The following ARHGAP26 variants were observed in gnomAD, a reference collection of about 807,000 sequenced individuals.
The protein encoded by ARHGAP26 is rho GTPase-activating protein 26.
ARHGAP26 carries 38 observed loss-of-function variants against 104.8 expected under a neutral mutation model. The ratio of observed to expected loss-of-function variants is 0.36; its 90% CI spans 0.28 to 0.48. The LOEUF (loss-of-function observed/expected upper bound fraction) is 0.48. ARHGAP26 is among the 20% of genes least tolerant of loss of function. The pLI is 0.99. For missense variants in ARHGAP26, 704 were observed against 947.9 expected, an observed-to-expected ratio of 0.74 and a Z score of 3.38; for synonymous variants, 341 against 340.0, an observed-to-expected ratio of 1.00 and a Z score of -0.03.
rs137889056 is a variant in ARHGAP26, at chr5:142,852,357, C to T, written c.155-21043C>T. 7.9e-3 allele frequency among the ~76,000 whole-genome samples: 1,206 copies of T among 152,326 alleles called. 9 individuals are homozygous for T. The highest frequency in any genetic ancestry group is 0.014 in the Middle Eastern group (4 of 294). On this transcript the variant is annotated intron_variant, in intron 1 of 22. Transcript: ENST00000645722. ...CTGGGGACATGGAATTGGCCCTCCTCACAGGCATTGCTGAGTTCTTTACTA... is the reference window on the plus strand; with the variant it reads ...CTGGGGACATGGAATTGGCCCTCCTTACAGGCATTGCTGAGTTCTTTACTA...
chr5:142,781,363 A>G (rs1757459348), intron 1 of ARHGAP26, among the ~76,000 whole-genome samples: 1 of 128,024 alleles, frequency 7.8e-6, no homozygotes, highest in Non-Finnish European at 1.5e-5. Flanking sequence ...GATATGGTTA[A>G]CTTTTTTTTT....
chr5:142,824,131 T>TG (rs2152087011), intron 1 of ARHGAP26, among the ~76,000 whole-genome samples: 1 of 152,196 alleles, frequency 6.6e-6, no homozygotes, highest in Admixed American at 6.5e-5. Context: ...TTCAGTATGT[T>TG]GTGTGTATGT....
intron 5 of ARHGAP26, among the ~76,000 whole-genome samples, chr5:142,892,784 ATCAG>A (rs1427727900): frequency 6.6e-6 from 1 of 152,172 alleles, no homozygotes; most frequent in Non-Finnish European, 1.5e-5. Context: ...TATTTAGGGT[ATCAG>A]TCACCTCGAA....
At chr5:142,835,789 C>T (rs970684825) in intron 1 of ARHGAP26, among the ~76,000 whole-genome samples, 2 of 152,146 alleles carry the variant, frequency 1.3e-5, no homozygotes, top group African/African-American at 4.8e-5. Flanking sequence ...AGTGGTTAGC[C>T]ACCAACACCA....
rs762989352 is a variant in ARHGAP26 at position 142,775,472 on chromosome 5, T to C, written c.154+4557T>C. On this transcript the variant is annotated intron_variant, in intron 1 of 22. Coordinates refer to ENST00000645722, the MANE Select transcript of ARHGAP26 (RefSeq NM_001135608.3). ...TTATTTCTCTTTGTCGAGGTTTGTT[T>C]GTTGTAAAATATACATAACACAACG... is the stretch of plus-strand genomic sequence containing the variant. Among the ~76,000 whole-genome samples the C allele has an allele frequency of 2.0e-5, 3 of 152,362 alleles. No homozygotes were observed. In the South Asian group the frequency reaches 6.2e-4, roughly 32 times the overall value.
At chr5:143,031,271 G>A (rs978749663) in intron 12 of ARHGAP26, among the ~76,000 whole-genome samples, 6 of 152,240 alleles carry the variant, frequency 3.9e-5, no homozygotes, top group African/African-American at 7.2e-5. Context: ...AGGGCAGCAA[G>A]GTGCTGCAGG....
intron 19 of ARHGAP26, among the ~76,000 whole-genome samples, chr5:143,138,036 G>T (rs3756374): frequency 0.2 from 29,686 of 152,146 alleles, 3,935 homozygotes; most frequent in East Asian, 0.41. Flanking sequence ...TGTCTTATTT[G>T]CCAGAAGGGG....
chr5:143,132,953 G>A (rs1235545683), intron 18 of ARHGAP26, among the ~76,000 whole-genome samples: 1 of 151,918 alleles, frequency 6.6e-6, no homozygotes, highest in African/African-American at 2.4e-5. Flanking sequence ...ATTATAAAAT[G>A]CTGAGGACAT....
chr5:142,813,316 C>G (rs1764484335), intron 1 of ARHGAP26, among the ~76,000 whole-genome samples: 1 of 152,238 alleles, frequency 6.6e-6, no homozygotes, highest in African/African-American at 2.4e-5. Context: ...TTCCCAGCCT[C>G]TGAAAGGCAA....
At chr5:143,175,112 T>C (rs1803289707) in intron 20 of ARHGAP26, among the ~76,000 whole-genome samples, 1 of 152,272 alleles carries the variant, frequency 6.6e-6, no homozygotes, top group Admixed American at 6.5e-5. Context: ...CCAAATGTTC[T>C]CTCTGCTATA....
intron 1 of ARHGAP26, among the ~76,000 whole-genome samples, chr5:142,846,080 C>T (rs142664338): frequency 6.6e-6 from 1 of 152,254 alleles, no homozygotes; most frequent in East Asian, 1.9e-4. Flanking sequence ...GTGTGAAAGC[C>T]ACGCATTAGT....
chr5:143,055,572 A>G (rs942464326), intron 15 of ARHGAP26, among the ~76,000 whole-genome samples: 5 of 152,226 alleles, frequency 3.3e-5, no homozygotes, highest in Non-Finnish European at 7.4e-5. Flanking sequence ...ATTCTGGAGC[A>G]ATACTCCATA....
chr5:142,893,197 C>T (rs1758941098), intron 5 of ARHGAP26, among the ~76,000 whole-genome samples: 2 of 151,960 alleles, frequency 1.3e-5, no homozygotes, highest in African/African-American at 4.8e-5. Flanking sequence ...AGGATTGTCT[C>T]GATCTCTTGA....
Position 142,817,856 on chromosome 5 carries a change from A to G in ARHGAP26, c.154+46941A>G, listed in dbSNP as rs548766775. Among the ~76,000 whole-genome samples, 13 of 152,346 alleles carry G rather than the reference A, an allele frequency of 8.5e-5. No homozygotes were observed. The South Asian group carries it at 2.7e-3, about 32-fold the overall frequency. On this transcript the variant is annotated intron_variant, in intron 1 of 22. Transcript: ENST00000645722. ...GTTGAAAAGCTCAGGAGACTTACTT[A>G]AAATTCCTGGACAGAACCTGAAATC...
intron 11 of ARHGAP26, among the ~76,000 whole-genome samples, chr5:143,012,547 A>ATG (rs1491527182): frequency 2.8e-4 from 16 of 57,736 alleles, no homozygotes; most frequent in Admixed American, 6.3e-4. Context: ...TTATATACAT[A>ATG]CATACATATA....
chr5:142,897,374 C>A (rs1439071947), intron 6 of ARHGAP26, among the ~76,000 whole-genome samples: 1 of 152,156 alleles, frequency 6.6e-6, no homozygotes, highest in Non-Finnish European at 1.5e-5. Context: ...AGATGTTTGG[C>A]CTTTGCTTTT....
chr5:143,143,327 G>T (rs1798783802), intron 19 of ARHGAP26, among the ~76,000 whole-genome samples: 1 of 152,192 alleles, frequency 6.6e-6, no homozygotes, highest in Admixed American at 6.5e-5. Flanking sequence ...TGCCTCCCCT[G>T]TGTGATGGGG....
intron 17 of ARHGAP26, among the ~76,000 whole-genome samples, chr5:143,116,095 G>T (rs1265562497): frequency 6.6e-6 from 1 of 152,274 alleles, no homozygotes; most frequent in East Asian, 1.9e-4. Flanking sequence ...GTGTGTGCCT[G>T]TCTGTTTATG....
intron 1 of ARHGAP26, among the ~76,000 whole-genome samples, chr5:142,862,397 A>AATGT (rs1190822691): frequency 6.6e-6 from 1 of 152,238 alleles, no homozygotes; most frequent in African/African-American, 2.4e-5. Flanking sequence ...TTTGGCTGGA[A>AATGT]ATGTATTATC....
Sources: gnomAD v4.1 joint callset for allele counts (sites outside exome capture counted in the v4.1 genomes callset) on GRCh38, gnomAD v4.1.1 for gene constraint, MANE v1.5 for transcripts, NCBI Gene and HGNC (gene_info 2026-07-23, HGNC 2026-07-21) for gene names.